TBC1D5: variants seen among roughly 807,000 people sequenced by gnomAD.
TBC1D5 encodes TBC1 domain family, member 5.
In TBC1D5, 75 loss-of-function variants were observed where a neutral mutation model predicts 100.3. That is an observed-to-expected ratio of 0.75 (90% confidence interval 0.62 to 0.91). The LOEUF (loss-of-function observed/expected upper bound fraction) is 0.91, where lower values mean the gene tolerates loss of function less well. Ranked by LOEUF, TBC1D5 falls within the 40% of genes least tolerant of loss-of-function variation. The pLI is 0.00. For synonymous variants in TBC1D5, 323 were observed against 325.6 expected, an observed-to-expected ratio of 0.99 and a Z score of 0.09; for missense variants, 910 against 942.4, an observed-to-expected ratio of 0.97 and a Z score of 0.45.
chr3:17,728,853 T>C (rs564168217), intron 1 of TBC1D5, among the ~76,000 whole-genome samples: 13 of 151,662 alleles, frequency 8.6e-5, no homozygotes, highest in Admixed American at 7.2e-4. Context: ...AAACCAAAAA[T>C]CGTAAACAAA....
At chr3:17,673,595 A>T (rs556940415) in intron 1 of TBC1D5, among the ~76,000 whole-genome samples, 2 of 152,090 alleles carry the variant, frequency 1.3e-5, no homozygotes, top group African/African-American at 4.8e-5. Context: ...GATTACAAGC[A>T]TGAGTTACTG....
At chr3:17,366,876 C>T (rs1010483527) in intron 13 of TBC1D5, among the ~76,000 whole-genome samples, 1 of 152,022 alleles carries the variant, frequency 6.6e-6, no homozygotes, top group African/African-American at 2.4e-5. Context: ...CCAAGAATCT[C>T]CCCAATTAAA....
At chr3:17,461,461 T>G (rs987683279) in intron 3 of TBC1D5, among the ~76,000 whole-genome samples, 2 of 152,218 alleles carry the variant, frequency 1.3e-5, no homozygotes, top group Non-Finnish European at 2.9e-5. Context: ...ATATTACTTT[T>G]CATTTGCAAA....
intron 15 of TBC1D5, among the ~76,000 whole-genome samples, chr3:17,275,547 A>AAACCAACC (rs960105290): frequency 3.3e-5 from 5 of 152,122 alleles, no homozygotes; most frequent in Non-Finnish European, 7.4e-5. Context: ...CTCTTTAAAC[A>AAACCAACC]AACCAACCAA....
At chr3:17,673,185 A>AT (rs1328341736) in intron 1 of TBC1D5, among the ~76,000 whole-genome samples, 3 of 152,148 alleles carry the variant, frequency 2.0e-5, no homozygotes, top group Non-Finnish European at 4.4e-5. Context: ...GATATAAACC[A>AT]ATTTCGGTAT....
intron 2 of TBC1D5, among the ~76,000 whole-genome samples, chr3:17,604,878 G>A (rs1329892839): frequency 1.3e-5 from 2 of 152,096 alleles, no homozygotes; most frequent in Admixed American, 1.3e-4. Context: ...GTTTCACCAT[G>A]TTGGCCAGGC....
chr3:17,684,774 T>G (rs1458649659), intron 1 of TBC1D5, among the ~76,000 whole-genome samples: 1 of 152,062 alleles, frequency 6.6e-6, no homozygotes, highest in Non-Finnish European at 1.5e-5. Flanking sequence ...ATACACAATT[T>G]ATATAGAAAG....
intron 2 of TBC1D5, among the ~76,000 whole-genome samples, chr3:17,621,709 T>A (rs1192063013): frequency 1.1e-4 from 6 of 52,828 alleles, no homozygotes; most frequent in African/African-American, 4.5e-4. Flanking sequence ...CTCGCTAACT[T>A]TTTTTTTTTT....
chr3:17,559,730 C>T (rs564326452), intron 2 of TBC1D5, among the ~76,000 whole-genome samples: 1 of 152,008 alleles, frequency 6.6e-6, no homozygotes, highest in East Asian at 1.9e-4. Flanking sequence ...GCTGGGATTA[C>T]AGGCGCCCAC....
At chr3:17,304,787 G>C (rs1475256003) in intron 14 of TBC1D5, among the ~76,000 whole-genome samples, 1 of 152,140 alleles carries the variant, frequency 6.6e-6, no homozygotes, top group Non-Finnish European at 1.5e-5. Context: ...GGTTTGAGAA[G>C]TAAACCTCTC....
chr3:17,513,331 CAA>C (rs762135211), intron 2 of TBC1D5, among the ~76,000 whole-genome samples: 7 of 124,498 alleles, frequency 5.6e-5, no homozygotes, highest in Admixed American at 8.1e-5. Flanking sequence ...GACTCCATCT[CAA>C]AAAAAAAAAA....
At chr3:17,583,575 G>T (rs1225581490) in intron 2 of TBC1D5, among the ~76,000 whole-genome samples, 1 of 151,884 alleles carries the variant, frequency 6.6e-6, no homozygotes, top group Non-Finnish European at 1.5e-5. Flanking sequence ...AAAATACAAA[G>T]AATTAGCCGG....
chr3:17,567,595 T>C (rs923275504), intron 2 of TBC1D5, among the ~76,000 whole-genome samples: 6 of 151,736 alleles, frequency 4.0e-5, no homozygotes, highest in Non-Finnish European at 8.9e-5. Flanking sequence ...AGCGACTTCC[T>C]GATGGGAACT....
chr3:17,384,129 G>A, intron 8 of TBC1D5, 114 bp from the exon 9 acceptor site: 6 of 838,634 alleles, frequency 7.2e-6, no homozygotes, highest in Non-Finnish European at 1.1e-5. Context: ...ACAAGCCTGT[G>A]TTTGCCATGT....
chr3:17,573,455 C>A (rs868081929), intron 2 of TBC1D5, among the ~76,000 whole-genome samples: 2 of 151,892 alleles, frequency 1.3e-5, no homozygotes, highest in Admixed American at 6.6e-5. Flanking sequence ...CCTAGCACTG[C>A]AATTTGAAAC....
intron 1 of TBC1D5, among the ~76,000 whole-genome samples, chr3:17,729,470 G>GC (rs1256999467): frequency 3.3e-4 from 51 of 152,280 alleles, no homozygotes; most frequent in African/African-American, 8.7e-4. Context: ...CACTTTGGGA[G>GC]GCCAAGGCAG....
intron 2 of TBC1D5, among the ~76,000 whole-genome samples, chr3:17,614,558 T>C (rs1254206716): frequency 6.6e-5 from 10 of 152,200 alleles, no homozygotes; most frequent in Admixed American, 6.5e-4. Flanking sequence ...CCTCTTTTAT[T>C]TCGTTGAGCA....
At chr3:17,669,791 G>A (rs1376493845) in intron 1 of TBC1D5, among the ~76,000 whole-genome samples, 2 of 152,208 alleles carry the variant, frequency 1.3e-5, no homozygotes, top group African/African-American at 4.8e-5. Context: ...AAGCAAGTCA[G>A]TGAGTAAAAA....
At chr3:17,639,324 C>A (rs2064274722) in intron 1 of TBC1D5, among the ~76,000 whole-genome samples, 1 of 151,872 alleles carries the variant, frequency 6.6e-6, no homozygotes, top group Non-Finnish European at 1.5e-5. Flanking sequence ...AAAGGCAAAG[C>A]TATAAACACT....
Sources: gnomAD v4.1 joint callset for allele counts (sites outside exome capture counted in the v4.1 genomes callset) on GRCh38, gnomAD v4.1.1 for gene constraint, MANE v1.5 for transcripts, NCBI Gene and HGNC (gene_info 2026-07-23, HGNC 2026-07-21) for gene names.